The following RBM33 variants were observed in gnomAD, a reference collection of about 807,000 sequenced individuals.
RBM33 encodes the protein RNA-binding protein 33.
Under a neutral mutation model 132.6 loss-of-function variants are expected in RBM33, and 28 were observed. The observed-to-expected ratio is 0.21, with a 90% CI of 0.16 to 0.29. The LOEUF is 0.29. Among genes scored for constraint, RBM33 ranks in the 10% least tolerant of loss-of-function variants. The pLI is 1.00. For missense variants in RBM33, 1,291 were observed against 1,518.5 expected, an observed-to-expected ratio of 0.85 and a Z score of 2.49; for synonymous variants, 634 against 593.0, an observed-to-expected ratio of 1.07 and a Z score of -1.01.
chr7:155,660,942 T>C (rs1044863201), intron 1 of RBM33, among the ~76,000 whole-genome samples: 4 of 151,992 alleles, frequency 2.6e-5, no homozygotes, highest in African/African-American at 9.7e-5. Context: ...TGATTTCTGT[T>C]CTTTGGATTA....
chr7:155,675,543 CA>C (rs1799159539), intron 3 of RBM33, among the ~76,000 whole-genome samples: 1 of 152,024 alleles, frequency 6.6e-6, no homozygotes, highest in Non-Finnish European at 1.5e-5. Flanking sequence ...CAAGCATACA[CA>C]AAAGAGGAGA....
chr7:155,684,402 T>G (rs534401633), intron 5 of RBM33, among the ~76,000 whole-genome samples: 247 of 152,154 alleles, frequency 1.6e-3, no homozygotes, highest in Non-Finnish European at 3.1e-3. Context: ...CCAGAAGAGA[T>G]TCTTGCTTGC....
At chr7:155,762,310 G>A (rs1802064047) in intron 14 of RBM33, among the ~76,000 whole-genome samples, 2 of 152,218 alleles carry the variant, frequency 1.3e-5, no homozygotes, top group African/African-American at 4.8e-5. Context: ...CTCTGAGGGT[G>A]CTGTATGGCC....
intron 5 of RBM33, among the ~76,000 whole-genome samples, chr7:155,698,282 G>A (rs943664316): frequency 6.6e-6 from 1 of 152,092 alleles, no homozygotes; most frequent in Non-Finnish European, 1.5e-5. Flanking sequence ...CAGGAGAATT[G>A]CTTGAACCTG....
Position 155,711,294 on chromosome 7 carries a change from T to C in RBM33, c.1040T>C (p.Val347Ala). 6.2e-7 allele frequency: 1 copy of C among 1,606,858 alleles called. No individual in the cohort carries two copies. The highest frequency in any genetic ancestry group is 8.5e-7 in the Non-Finnish European group (1 of 1,176,956). ...QPQPLQPLLP[V>A]QHPHHPSPPQ... is the part of the protein sequence containing the mutation. ...CAGCCGCTGCAGCCGCTGCTTCCGG[T>C]GCAGCACCCGCACCACCCATCCCCG... is the stretch of plus-strand genomic sequence containing the variant. The change falls in exon 8 of 18, where the codon GTG (valine) becomes GCG (alanine). Residue 347 changes from valine (V) to alanine (A), a missense_variant. Val to Ala is a moderately conservative substitution (Grantham distance 64, BLOSUM62 0). This residue lies in a region of RBM33 where 146 missense variants were observed against 137.1 expected (regional missense o/e 1.07). Coordinates refer to ENST00000401878, the MANE Select transcript of RBM33 (RefSeq NM_053043.3).
At chr7:155,691,544 A>T (rs1799642007) in intron 5 of RBM33, among the ~76,000 whole-genome samples, 1 of 152,116 alleles carries the variant, frequency 6.6e-6, no homozygotes, top group Non-Finnish European at 1.5e-5. Flanking sequence ...ATACTCTATA[A>T]TATTTGTAGC....
Position 155,644,915 on chromosome 7 carries a change from C to A in RBM33, c.39C>A (p.Ala13=). 6.7e-7 allele frequency: 1 copy of A among 1,498,594 alleles called. No individual in the cohort carries two copies. Among genetic ancestry groups the A allele is most frequent in the Admixed American group, 2.1e-5 (1 of 46,886 alleles). The allele number at this position is 1,498,594 out of a possible 1,614,324, so 92.8% of individuals were successfully genotyped here. A position where few individuals can be genotyped will look rare whatever the true frequency, so the allele number is the denominator to read the frequency against. ...TGGGAGCGAGCGGAGGAGCAGGCGCCGGAGGTACGTGAGGCAGCCGGACTC... is the reference window on the plus strand; with the variant it reads ...TGGGAGCGAGCGGAGGAGCAGGCGCAGGAGGTACGTGAGGCAGCCGGACTC... ...AALGASGGAG[A]GDDDFDQFDK... The change falls in exon 1 of 18, where the codon GCC becomes GCA. Residue 13 remains alanine, a synonymous_variant. Transcript: ENST00000401878.
chr7:155,690,794 A>T (rs10949733), intron 5 of RBM33, among the ~76,000 whole-genome samples: 1 of 151,708 alleles, frequency 6.6e-6, no homozygotes, highest in South Asian at 2.1e-4. Context: ...TGAATATTGG[A>T]CCCCACTCTC....
At position 155,741,915 on chromosome 7, in the gene RBM33, T is replaced by G. The variant is rs1301151002; in HGVS notation, c.2146T>G (p.Ser716Ala). 6.2e-7 allele frequency: 1 copy of G among 1,613,858 alleles called. No individual in the cohort carries two copies. Among genetic ancestry groups the G allele is most frequent in the African/African-American group, 1.3e-5 (1 of 74,998 alleles). The change falls in exon 13 of 18, where the codon TCA becomes GCA. Residue 716 changes from serine to alanine, a missense_variant. This residue lies in a region of RBM33 where 841 missense variants were observed against 912.0 expected (regional missense o/e 0.92). Coordinates refer to ENST00000401878, the MANE Select transcript of RBM33 (RefSeq NM_053043.3). ...SNLRELPIAPSHVIEMSSSRC... is the reference protein window; with the variant it reads ...SNLRELPIAPAHVIEMSSSRC... ...TTTGCGTGAATTACCCATAGCGCCGTCACACGTGATAGAAATGAGCAGCAG... is the reference window on the plus strand; with the variant it reads ...TTTGCGTGAATTACCCATAGCGCCGGCACACGTGATAGAAATGAGCAGCAG...
intron 6 of RBM33, among the ~76,000 whole-genome samples, chr7:155,706,438 G>A (rs527414525): frequency 1.3e-5 from 2 of 152,072 alleles, no homozygotes; most frequent in African/African-American, 4.8e-5. Context: ...AGGTTGCAGC[G>A]AGCAGAGATC....
Position 155,661,339 on chromosome 7 carries a change from T to C in RBM33, c.44-3836T>C, listed in dbSNP as rs1297385161. Among the ~76,000 whole-genome samples, 6 of 151,006 alleles carry C rather than the reference T, an allele frequency of 4.0e-5. No homozygotes were observed. In the East Asian group the frequency reaches 7.8e-4, roughly 20 times the overall value. ...TTTTTAGTAGAGACAGGTTTCACCATGTTGGCCAGCATGGTCTCATGATCC... is the reference window on the plus strand; with the variant it reads ...TTTTTAGTAGAGACAGGTTTCACCACGTTGGCCAGCATGGTCTCATGATCC... On this transcript the variant is annotated intron_variant, in intron 1 of 17. Transcript: ENST00000401878.
At chr7:155,735,627 G>A (rs536390917) in intron 9 of RBM33, among the ~76,000 whole-genome samples, 3 of 152,188 alleles carry the variant, frequency 2.0e-5, no homozygotes, top group Non-Finnish European at 2.9e-5. Flanking sequence ...GAGCCAAGGA[G>A]TTTGAGGCTA....
chr7:155,758,917 T>C (rs1161137448), intron 14 of RBM33, among the ~76,000 whole-genome samples: 1 of 151,084 alleles, frequency 6.6e-6, no homozygotes, highest in Admixed American at 6.6e-5. Flanking sequence ...GAAGAGTCTG[T>C]CAGTCTGGGC....
intron 6 of RBM33, among the ~76,000 whole-genome samples, chr7:155,702,816 T>G (rs1437264318): frequency 6.6e-6 from 1 of 152,228 alleles, no homozygotes; most frequent in Middle Eastern, 3.2e-3. Flanking sequence ...GGGCTGTGGC[T>G]TTGATTACAT....
chr7:155,660,600 G>A (rs1372523257), intron 1 of RBM33, among the ~76,000 whole-genome samples: 1 of 152,160 alleles, frequency 6.6e-6, no homozygotes, highest in Non-Finnish European at 1.5e-5. Flanking sequence ...CTGTTTTGAT[G>A]AGAATCAACT....
At chr7:155,723,027 G>C (rs1372312303) in intron 9 of RBM33, among the ~76,000 whole-genome samples, 1 of 152,102 alleles carries the variant, frequency 6.6e-6, no homozygotes, top group Non-Finnish European at 1.5e-5. Context: ...TACTTACTTA[G>C]ACCTGGCAAA....
At chr7:155,670,604 C>T (rs1175899886) in intron 2 of RBM33, among the ~76,000 whole-genome samples, 1 of 152,180 alleles carries the variant, frequency 6.6e-6, no homozygotes, top group Admixed American at 6.5e-5. Flanking sequence ...ATCTTAGTGT[C>T]TCTGTTTTCA....
At chr7:155,739,687 G>A (rs1319505980) in intron 11 of RBM33, 28 bp from the exon 12 acceptor site, 11 of 1,526,640 alleles carry the variant, frequency 7.2e-6, no homozygotes, top group Non-Finnish European at 9.7e-6. Flanking sequence ...TTTATGAACT[G>A]TTGTTTCTCT....
At chr7:155,730,927 C>G (rs1490265468) in intron 9 of RBM33, among the ~76,000 whole-genome samples, 1 of 152,118 alleles carries the variant, frequency 6.6e-6, no homozygotes, top group Non-Finnish European at 1.5e-5. Flanking sequence ...GCTTAGAGAC[C>G]TAAGAGGTGA....
Sources: gnomAD v4.1 joint callset for allele counts (sites outside exome capture counted in the v4.1 genomes callset) on GRCh38, gnomAD v4.1.1 for gene constraint, gnomAD v4.1.1 regional missense constraint, MANE v1.5 for transcripts, NCBI Gene and HGNC (gene_info 2026-07-23, HGNC 2026-07-21) for gene names.